ALG14: variants seen among roughly 807,000 people sequenced by gnomAD.
The protein encoded by ALG14 is ALG14 UDP-N-acetylglucosaminyltransferase subunit.
ALG14 carries 17 observed loss-of-function variants against 22.8 expected under a neutral mutation model. That is an observed-to-expected ratio of 0.75 (90% CI 0.51 to 1.12). ALG14 has a LOEUF of 1.12. ALG14 is among the 50% of genes most tolerant of loss of function. The probability of loss-of-function intolerance (pLI) is 0.00; values close to 1 mark genes in which losing one functional copy is unlikely to be tolerated. For synonymous variants in ALG14, 89 were observed against 103.7 expected (o/e 0.86, Z 0.86); for missense variants, 288 against 271.8 (o/e 1.06, Z -0.42).
In ALG14 at chr1:94,978,123, G is replaced by A. The variant is rs1672430167; in HGVS notation, c.*4953C>T. On this transcript the variant is annotated 3_prime_UTR_variant, in exon 4 of 4. Transcript: ENST00000370205. The stretch of plus-strand genomic sequence containing the variant: ...CTGTCCCCCAGGCTGGAGTGCAGTG[G>A]TGCCATCTCAGTTCACTGCAACCTC... The A allele has an allele frequency of 6.6e-6, 1 of 150,852 alleles. No individual in the cohort carries two copies. The allele number at this position is 150,852 out of a possible 1,614,324, so 9.3% of individuals were successfully genotyped here.
chr1:95,046,131 A>G (rs1674548948), intron 2 of ALG14, among the ~76,000 whole-genome samples: 1 of 152,068 alleles, frequency 6.6e-6, no homozygotes, highest in South Asian at 2.1e-4. Context: ...ATAGTTTGGA[A>G]TATCTATTAC....
At chr1:95,016,961 G>A (rs1279792528) in intron 3 of ALG14, among the ~76,000 whole-genome samples, 1 of 149,614 alleles carries the variant, frequency 6.7e-6, no homozygotes, top group Admixed American at 6.7e-5. Context: ...GTGTGTGTGT[G>A]TGTGTGTGTG....
Position 95,072,835 on chromosome 1 carries a change from T to G in ALG14, c.64A>C (p.Ile22Leu), listed in dbSNP as rs745789467. ...GAVAVFLILR[I>L]WVVLRSMDVT... ...TCCATGGAACGAAGCACTACCCATA[T>G]TCGCAGGATTAGGAAAACCGCCACA... Residue 22 changes from isoleucine to leucine, a missense_variant, in exon 1 of 4, where the codon ATA becomes CTA. Physicochemically the swap from Ile to Leu is conservative, Grantham distance 5 (BLOSUM62 2). Coordinates refer to ENST00000370205, the MANE Select transcript of ALG14 (RefSeq NM_144988.4). The G allele has an allele frequency of 6.2e-7, 1 of 1,614,138 alleles. No homozygotes were observed. Among genetic ancestry groups the G allele is most frequent in the Non-Finnish European group, 8.5e-7 (1 of 1,180,022 alleles).
At chr1:94,992,610 C>T (rs1672803299) in intron 3 of ALG14, among the ~76,000 whole-genome samples, 1 of 151,948 alleles carries the variant, frequency 6.6e-6, no homozygotes, top group Non-Finnish European at 1.5e-5. Flanking sequence ...AAATGTTATA[C>T]CAGGGTGAAA....
intron 2 of ALG14, among the ~76,000 whole-genome samples, chr1:95,028,080 G>A (rs140862540): frequency 5.3e-4 from 81 of 152,350 alleles, no homozygotes; most frequent in Non-Finnish European, 3.2e-4. Context: ...TTGGAAGACA[G>A]CATGTTTAAT....
intron 2 of ALG14, among the ~76,000 whole-genome samples, chr1:95,029,981 A>G (rs545429376): frequency 4.6e-5 from 7 of 152,230 alleles, no homozygotes; most frequent in Admixed American, 4.6e-4. Flanking sequence ...ACTATAAACC[A>G]CTCAGAAGCA....
intron 2 of ALG14, among the ~76,000 whole-genome samples, chr1:95,033,534 T>C (rs1461287390): frequency 1.3e-5 from 2 of 151,524 alleles, no homozygotes; most frequent in African/African-American, 4.9e-5. Context: ...CTTTCTACAG[T>C]GACTTAAAAC....
At chr1:95,022,528 C>T (rs1673693879) in intron 3 of ALG14, among the ~76,000 whole-genome samples, 1 of 152,208 alleles carries the variant, frequency 6.6e-6, no homozygotes, top group South Asian at 2.1e-4. Context: ...GCCAAATTTA[C>T]AGCGCATATA....
rs1571670801 is a variant in ALG14 at position 95,059,998 on chromosome 1, T to C, written c.288+4868A>G. On this transcript the variant is annotated intron_variant, in intron 2 of 3. Transcript: ENST00000370205. ...TGAGCTCCATGGAAGGTACAAAAGA[T>C]GGCTGAGCTGAAGCGTAGAAAAAGA... is the stretch of plus-strand genomic sequence containing the variant. 1.3e-5 allele frequency among the ~76,000 whole-genome samples: 2 copies of C among 150,408 alleles called. 1 individual carries two copies. Among genetic ancestry groups the C allele is most frequent in the East Asian group, 4.1e-4 (2 of 4,904 alleles).
chr1:95,023,137 T>C (rs975155933), intron 3 of ALG14, among the ~76,000 whole-genome samples: 2 of 148,968 alleles, frequency 1.3e-5, no homozygotes, highest in African/African-American at 4.9e-5. Context: ...TGTCATCAAC[T>C]TTTTTTTTTG....
intron 2 of ALG14, among the ~76,000 whole-genome samples, chr1:95,040,566 C>T (rs999222270): frequency 6.6e-6 from 1 of 151,240 alleles, no homozygotes; most frequent in Non-Finnish European, 1.5e-5. Flanking sequence ...TTTCCTTGGG[C>T]CTAAAGGCTG....
At chr1:95,005,395 T>C (rs570453923) in intron 3 of ALG14, among the ~76,000 whole-genome samples, 1 of 146,664 alleles carries the variant, frequency 6.8e-6, no homozygotes, top group South Asian at 2.1e-4. Flanking sequence ...TCAGGACATG[T>C]TTCTAAGCCA....
intron 3 of ALG14, among the ~76,000 whole-genome samples, chr1:94,988,111 C>A (rs17112820): frequency 0.022 from 3,389 of 152,222 alleles, 131 homozygotes; most frequent in African/African-American, 0.078. Flanking sequence ...GGTAGCCTAC[C>A]TGGAGGTCAA....
intron 3 of ALG14, among the ~76,000 whole-genome samples, chr1:95,022,558 G>A (rs575928003): frequency 6.6e-6 from 1 of 152,270 alleles, no homozygotes; most frequent in African/African-American, 2.4e-5. Flanking sequence ...AACACACAGT[G>A]GGAAGGGGTA....
rs1571692634 is a variant in ALG14, at chr1:95,072,832, A to G, written c.67T>C (p.Trp23Arg). The G allele has an allele frequency of 1.2e-6, 2 of 1,614,140 alleles. No individual in the cohort carries two copies. Among genetic ancestry groups the G allele is most frequent in the Non-Finnish European group, 8.5e-7 (1 of 1,180,026 alleles). Reference sequence around the variant, plus strand: ...ACGTCCATGGAACGAAGCACTACCCATATTCGCAGGATTAGGAAAACCGCC... The same window carrying G: ...ACGTCCATGGAACGAAGCACTACCCGTATTCGCAGGATTAGGAAAACCGCC... ...AVAVFLILRI[W>R]VVLRSMDVTP... The change falls in exon 1 of 4, where the codon TGG becomes CGG. Residue 23 changes from tryptophan (W) to arginine (R), a missense_variant. Transcript: ENST00000370205.
intron 2 of ALG14, among the ~76,000 whole-genome samples, chr1:95,059,524 A>T (rs1305448118): frequency 1.3e-5 from 2 of 151,030 alleles, no homozygotes; most frequent in African/African-American, 4.9e-5. Flanking sequence ...GTTTCTTGTG[A>T]TCACCCAGGA....
intron 2 of ALG14, among the ~76,000 whole-genome samples, chr1:95,059,136 C>T (rs1441570379): frequency 2.0e-5 from 3 of 151,870 alleles, no homozygotes; most frequent in Non-Finnish European, 4.4e-5. Context: ...CAGTGGCTGA[C>T]GCCTGTAATC....
intron 2 of ALG14, among the ~76,000 whole-genome samples, chr1:95,056,486 A>G (rs1352251809): frequency 6.6e-6 from 1 of 151,662 alleles, no homozygotes; most frequent in East Asian, 2.0e-4. Flanking sequence ...CTCTACAAAA[A>G]ATACAAAAAT....
chr1:95,002,476 G>GA (rs1178704690), intron 3 of ALG14, among the ~76,000 whole-genome samples: 1 of 152,024 alleles, frequency 6.6e-6, no homozygotes, highest in African/African-American at 2.4e-5. Flanking sequence ...AGCCTGAAGA[G>GA]AAAAATATGT....
Sources: gnomAD v4.1 joint callset for allele counts (sites outside exome capture counted in the v4.1 genomes callset) on GRCh38, gnomAD v4.1.1 for gene constraint, MANE v1.5 for transcripts, NCBI Gene and HGNC (gene_info 2026-07-23, HGNC 2026-07-21) for gene names.